C11orf65: variants seen among roughly 807,000 people sequenced by gnomAD.
C11orf65 encodes the protein chromosome 11 open reading frame 65.
Under a neutral mutation model 35.3 loss-of-function variants are expected in C11orf65, and 38 were observed. That is an observed-to-expected ratio of 1.08 (90% confidence interval 0.83 to 1.41). The LOEUF (loss-of-function observed/expected upper bound fraction) is 1.41. Ranked by LOEUF, C11orf65 falls within the 40% of genes most tolerant of loss-of-function variation. C11orf65 has a pLI of 0.00. For missense variants in C11orf65, 370 were observed against 367.1 expected, an observed-to-expected ratio of 1.01 and a Z score of -0.06; for synonymous variants, 105 against 114.4, an observed-to-expected ratio of 0.92 and a Z score of 0.53.
At chr11:108,392,962 A>T (rs1193585590) in intron 7 of C11orf65, among the ~76,000 whole-genome samples, 2 of 152,216 alleles carry the variant, frequency 1.3e-5, no homozygotes, top group African/African-American at 4.8e-5. Flanking sequence ...AAAGCAGACT[A>T]AAGCATAAGA....
At chr11:108,354,504 A>T (rs2089641768) in intron 2 of C11orf65, among the ~76,000 whole-genome samples, 1 of 152,248 alleles carries the variant, frequency 6.6e-6, no homozygotes, top group South Asian at 2.1e-4. Context: ...GATTGCAGTC[A>T]GTGTAAACTA....
downstream of C11orf65, chr11:108,330,082 T>C: frequency 1.1e-6 from 1 of 891,546 alleles, no homozygotes; most frequent in Non-Finnish European, 1.8e-6. Context: ...CCCTTTATAA[T>C]CCTTAGAAGT....
At chr11:108,463,500 T>C (rs2093496903) in intron 1 of C11orf65, among the ~76,000 whole-genome samples, 1 of 152,194 alleles carries the variant, frequency 6.6e-6, no homozygotes, top group East Asian at 1.9e-4. Flanking sequence ...CTTATTAATA[T>C]AGGAGGCATG....
rs575058166 is a variant in C11orf65 at position 108,410,468 on chromosome 11, C to T, written c.175-3319G>A. On this transcript the variant is annotated intron_variant, in intron 3 of 8. Coordinates refer to ENST00000393084, the MANE Select transcript of C11orf65 (RefSeq NM_152587.5). ...TCCCTGACTCAACTGATCCTTCTAC[C>T]TAACCATTCCAAGTAGCTGGGACTA... Among the ~76,000 whole-genome samples, 243 of 152,102 alleles carry T rather than the reference C, an allele frequency of 1.6e-3. 3 individuals carry two copies. Among genetic ancestry groups the T allele is most frequent in the Non-Finnish European group, 1.0e-3 (69 of 68,028 alleles).
At chr11:108,420,665 C>G (rs1179211793) in intron 3 of C11orf65, among the ~76,000 whole-genome samples, 1 of 152,102 alleles carries the variant, frequency 6.6e-6, no homozygotes. Context: ...CCCTTATTTC[C>G]CACAAATGTT....
chr11:108,464,739 G>A (rs1014496246), intron 1 of C11orf65, among the ~76,000 whole-genome samples: 1 of 152,154 alleles, frequency 6.6e-6, no homozygotes, highest in Non-Finnish European at 1.5e-5. Context: ...GAAGGGACCT[G>A]TGGACTGAGG....
At chr11:108,464,698 A>G (rs2093513673) in intron 1 of C11orf65, among the ~76,000 whole-genome samples, 1 of 152,154 alleles carries the variant, frequency 6.6e-6, no homozygotes, top group Non-Finnish European at 1.5e-5. Flanking sequence ...GGAAAGGGAT[A>G]TGAGAAATTA....
At chr11:108,327,360 T>C, downstream of C11orf65, 1 of 347,696 alleles carries the variant, frequency 2.9e-6, no homozygotes, top group South Asian at 2.9e-5. Context: ...GAGAATTAAA[T>C]GAGTTAATAT....
In C11orf65 at chr11:108,316,093, C is replaced by A. The variant is rs587778078; in HGVS notation, c.641-7022G>T. 3 of 1,613,924 alleles carry A rather than the reference C, an allele frequency of 1.9e-6. No homozygotes were observed. Among genetic ancestry groups the A allele is most frequent in the Non-Finnish European group, 2.5e-6 (3 of 1,179,966 alleles). On this transcript the variant is annotated intron_variant, in intron 6 of 6. Transcript: ENST00000525729. Reference sequence around the variant, plus strand: ...CGAAACAGCAATCCCCTCATCAACACGCCAGGCAGGAATCATTCAGGTACA... The same window carrying A: ...CGAAACAGCAATCCCCTCATCAACAAGCCAGGCAGGAATCATTCAGGTACA...
At chr11:108,324,065 AT>A (rs1190776418) in intron 6 of C11orf65, among the ~76,000 whole-genome samples, 2 of 136,986 alleles carry the variant, frequency 1.5e-5, no homozygotes, top group Non-Finnish European at 3.2e-5. Flanking sequence ...TGAAAAAAAA[AT>A]TTTAAAGAAT....
chr11:108,398,364 C>T (rs1218217790), intron 6 of C11orf65, among the ~76,000 whole-genome samples: 1 of 151,970 alleles, frequency 6.6e-6, no homozygotes, highest in Non-Finnish European at 1.5e-5. Flanking sequence ...TAGGATAAGC[C>T]CTCTGTTTCT....
In C11orf65 at chr11:108,338,697, A is replaced by T. The variant is rs572418836; in HGVS notation, c.227-3405T>A. On this transcript the variant is annotated intron_variant, in intron 2 of 3. Coordinates refer to the C11orf65 transcript ENST00000524755. ...GGTTGGGGGGTAACCCAGATAATTAATTATTTAATGTTATACATCTCAATA... is the reference window on the plus strand; with the variant it reads ...GGTTGGGGGGTAACCCAGATAATTATTTATTTAATGTTATACATCTCAATA... 2.0e-5 allele frequency among the ~76,000 whole-genome samples: 3 copies of T among 152,036 alleles called. No individual in the cohort carries two copies. The East Asian group carries it at 5.8e-4, about 29-fold the overall frequency.
At chr11:108,454,478 A>C (rs1324168660) in intron 2 of C11orf65, among the ~76,000 whole-genome samples, 1 of 151,948 alleles carries the variant, frequency 6.6e-6, no homozygotes, top group Non-Finnish European at 1.5e-5. Flanking sequence ...TTGTATTTTT[A>C]GTAGAGACGA....
intron 3 of C11orf65, among the ~76,000 whole-genome samples, chr11:108,421,795 A>C (rs1185521399): frequency 6.6e-6 from 1 of 152,246 alleles, no homozygotes; most frequent in African/African-American, 2.4e-5. Flanking sequence ...GCTGGAGAAC[A>C]AGGCATGTTT....
In C11orf65 at chr11:108,405,677, G is replaced by C. The variant is rs1025127262; in HGVS notation, c.430-118C>G. 3.9e-6 allele frequency: 4 copies of C among 1,019,732 alleles called. No homozygotes were observed. The African/African-American group carries it at 6.5e-5, about 17-fold the overall frequency. The allele number at this position is 1,019,732 out of a possible 1,614,324, so 63.2% of individuals were successfully genotyped here. On this transcript the variant is annotated intron_variant, in intron 5 of 8. Coordinates refer to ENST00000393084, the MANE Select transcript of C11orf65 (RefSeq NM_152587.5). The stretch of plus-strand genomic sequence containing the variant: ...AATATGGCAAGATAGAAACAGAGGA[G>C]AGGATAGATACTTTCAAGGTATTTC...
intron 3 of C11orf65, among the ~76,000 whole-genome samples, chr11:108,416,266 C>T (rs954019860): frequency 1.3e-5 from 2 of 152,042 alleles, no homozygotes; most frequent in South Asian, 2.1e-4. Context: ...AAACAAACAA[C>T]CTGAATTAAA....
intron 6 of C11orf65, among the ~76,000 whole-genome samples, chr11:108,397,670 GA>G (rs2092348585): frequency 6.6e-6 from 1 of 152,166 alleles, no homozygotes; most frequent in Non-Finnish European, 1.5e-5. Context: ...CAGTCAGAAT[GA>G]AGAGTGTTTA....
chr11:108,433,198 T>C (rs2093014247), intron 2 of C11orf65, among the ~76,000 whole-genome samples: 1 of 151,830 alleles, frequency 6.6e-6, no homozygotes, highest in Admixed American at 6.6e-5. Context: ...GGCTCACGCC[T>C]GTAATCCCAG....
intron 3 of C11orf65, among the ~76,000 whole-genome samples, chr11:108,332,243 C>T (rs2086340401): frequency 6.6e-6 from 1 of 151,986 alleles, no homozygotes; most frequent in African/African-American, 2.4e-5. Flanking sequence ...TCCTGGCTGA[C>T]CGACACAGCA....
Sources: allele counts gnomAD v4.1 joint callset (sites outside exome capture counted in the v4.1 genomes callset), GRCh38; gene constraint gnomAD v4.1.1; transcripts MANE v1.5; gene names NCBI Gene and HGNC (gene_info 2026-07-23, HGNC 2026-07-21).